Variants in BCL2L13 observed in about 807,000 individuals in gnomAD.
BCL2L13 encodes the protein bcl-2-like protein 13.
A neutral mutation model predicts 25.8 loss-of-function variants in BCL2L13; 13 were observed. The ratio of observed to expected loss-of-function variants is 0.50; its 90% CI spans 0.33 to 0.80. BCL2L13 has a LOEUF of 0.80. Among genes scored for constraint, BCL2L13 ranks in the 30% least tolerant of loss-of-function variants. The probability of loss-of-function intolerance (pLI) is 0.02; values close to 1 mark genes in which losing one functional copy is unlikely to be tolerated. For missense variants in BCL2L13, 504 were observed against 574.9 expected (o/e 0.88, Z 1.26); for synonymous variants, 244 against 230.3 (o/e 1.06, Z -0.54).
Position 17,727,887 on chromosome 22 carries a change from C to G in BCL2L13, c.*353C>G, listed in dbSNP as rs1449312975. 3 of 276,658 alleles carry G rather than the reference C, an allele frequency of 1.1e-5. No individual in the cohort carries two copies. The East Asian group carries it at 2.0e-4, about 19-fold the overall frequency. 17.1% of individuals were successfully genotyped at this position (276,658 alleles called of 1,614,324 possible). The stretch of plus-strand genomic sequence containing the variant: ...CCACCCACTAGATGCCAGTGGCACC[C>G]CCTCCCAGAGATGACAAACGAAAAT... On this transcript the variant is annotated 3_prime_UTR_variant, in exon 7 of 7. Transcript: ENST00000317582.
intron 2 of BCL2L13, among the ~76,000 whole-genome samples, chr22:17,659,315 G>T (rs1461141969): frequency 6.8e-6 from 1 of 146,190 alleles, no homozygotes; most frequent in South Asian, 2.1e-4. Context: ...AGTGAGCCGA[G>T]ATTGTGCCAT....
At chr22:17,672,304 TG>T (rs2059442181) in intron 2 of BCL2L13, among the ~76,000 whole-genome samples, 1 of 152,206 alleles carries the variant, frequency 6.6e-6, no homozygotes, top group African/African-American at 2.4e-5. Flanking sequence ...GTTTCCAGTT[TG>T]GGGAACCATA....
chr22:17,695,876 T>C (rs1455722564), intron 4 of BCL2L13: 2 of 349,924 alleles, frequency 5.7e-6, no homozygotes, highest in East Asian at 8.6e-5. Flanking sequence ...ATCCTGTAAG[T>C]TCCAAGCAGT....
chr22:17,657,915 C>T (rs1284722222), intron 2 of BCL2L13, among the ~76,000 whole-genome samples: 9 of 143,954 alleles, frequency 6.3e-5, no homozygotes, highest in African/African-American at 1.6e-4. Flanking sequence ...CTCCGACTGC[C>T]GGGTTCAAGC....
upstream of BCL2L13, among the ~76,000 whole-genome samples, chr22:17,636,339 A>G (rs547632449): frequency 3.3e-5 from 5 of 151,848 alleles, no homozygotes; most frequent in Middle Eastern, 3.4e-3. Flanking sequence ...AAGAAAAAAA[A>G]AAAAAAAAGC....
intron 2 of BCL2L13, among the ~76,000 whole-genome samples, chr22:17,677,636 G>A (rs749149618): frequency 4.6e-5 from 7 of 152,176 alleles, no homozygotes; most frequent in Non-Finnish European, 7.3e-5. Flanking sequence ...CACTTTGGGA[G>A]TCTGAGGCAG....
At chr22:17,654,130 G>A (rs2146492633) in intron 1 of BCL2L13, among the ~76,000 whole-genome samples, 1 of 152,260 alleles carries the variant, frequency 6.6e-6, no homozygotes, top group East Asian at 1.9e-4. Flanking sequence ...TATTGAGACA[G>A]GGTCTTGCTC....
intron 3 of BCL2L13, among the ~76,000 whole-genome samples, chr22:17,686,440 A>G (rs1275493495): frequency 6.6e-6 from 1 of 151,946 alleles, no homozygotes; most frequent in Non-Finnish European, 1.5e-5. Context: ...ACAGAGTGAG[A>G]CCATTTAAAA....
intron 2 of BCL2L13, among the ~76,000 whole-genome samples, chr22:17,673,668 C>T (rs978559488): frequency 3.9e-5 from 6 of 151,974 alleles, no homozygotes; most frequent in South Asian, 2.1e-4. Context: ...TGAGCCACTG[C>T]GCCCGGCCTT....
chr22:17,646,971 T>C (rs868159257), intron 1 of BCL2L13, among the ~76,000 whole-genome samples: 121 of 111,548 alleles, frequency 1.1e-3, no homozygotes, highest in African/African-American at 4.1e-3. Context: ...TTTTTTTTTT[T>C]TTTTTTTTCT....
chr22:17,715,315 G>A (rs2060916378), intron 6 of BCL2L13, among the ~76,000 whole-genome samples: 1 of 147,906 alleles, frequency 6.8e-6, no homozygotes, highest in Non-Finnish European at 1.5e-5. Flanking sequence ...CTGAGTAGCT[G>A]GGACTACAGG....
chr22:17,651,675 G>A (rs1042044920), intron 1 of BCL2L13, among the ~76,000 whole-genome samples: 1 of 147,472 alleles, frequency 6.8e-6, no homozygotes, highest in Admixed American at 6.8e-5. Context: ...GAGCCACTGC[G>A]TCCAGCCTAG....
chr22:17,642,172 C>G lies in BCL2L13; in HGVS notation c.-51+3286C>G, dbSNP rs2058316556. 2.2e-5 allele frequency among the ~76,000 whole-genome samples: 3 copies of G among 139,036 alleles called. No individual in the cohort carries two copies. In the Admixed American group the frequency reaches 2.3e-4, roughly 11 times the overall value. The allele number at this position is 139,036 out of a possible 152,430, so 91.2% of individuals were successfully genotyped here. On this transcript the variant is annotated intron_variant, in intron 1 of 6. Transcript: ENST00000317582. ...TTTTGAGACGGAGTCTCACTGTCGC[C>G]AGGCTGGAGTGCAGTGGCATGATCC...
In BCL2L13 at chr22:17,729,543, C is replaced by G. The variant is rs995962507; in HGVS notation, c.*2009C>G. On this transcript the variant is annotated 3_prime_UTR_variant, in exon 7 of 7. Coordinates refer to ENST00000317582, the MANE Select transcript of BCL2L13 (RefSeq NM_015367.4). Reference sequence around the variant, plus strand: ...GTTCCAGTATTAACACTTGCCAGTTCTGGATCCTCACACCCATTGGCTGAG... The same window carrying G: ...GTTCCAGTATTAACACTTGCCAGTTGTGGATCCTCACACCCATTGGCTGAG... 4 of 152,308 alleles carry G rather than the reference C, an allele frequency of 2.6e-5. No individual in the cohort carries two copies. The highest frequency in any genetic ancestry group is 1.3e-4 in the Admixed American group (2 of 15,296). 9.4% of individuals were successfully genotyped at this position (152,308 alleles called of 1,614,324 possible).
intron 6 of BCL2L13, among the ~76,000 whole-genome samples, chr22:17,711,367 G>A (rs775022871): frequency 7.0e-6 from 1 of 143,048 alleles, no homozygotes; most frequent in Admixed American, 7.1e-5. Flanking sequence ...GCACAATCTC[G>A]GCTCACTGCA....
Position 17,696,186 on chromosome 22 carries a change from A to G in BCL2L13, c.432A>G (p.Thr144=). 1 of 1,613,948 alleles carries G rather than the reference A, an allele frequency of 6.2e-7. No homozygotes were observed. The highest frequency in any genetic ancestry group is 8.5e-7 in the Non-Finnish European group (1 of 1,179,830). The change falls in exon 5 of 7, where the codon ACA becomes ACG. Residue 144 remains threonine, a synonymous_variant. Coordinates refer to ENST00000317582, the MANE Select transcript of BCL2L13 (RefSeq NM_015367.4). ...TTCGGGAATGTACACTGGAGACCAC[A>G]GTTCATGCCAGCGGCTGGAATAAGG... ...QAFRECTLET[T]VHASGWNKIL...
intron 1 of BCL2L13, among the ~76,000 whole-genome samples, chr22:17,644,546 G>T (rs2058405383): frequency 6.6e-6 from 1 of 151,054 alleles, no homozygotes; most frequent in African/African-American, 2.5e-5. Flanking sequence ...TGGCCAGGAT[G>T]GTCTCAATCT....
intron 1 of BCL2L13, among the ~76,000 whole-genome samples, chr22:17,653,848 T>G (rs1281464911): frequency 1.4e-5 from 2 of 138,610 alleles, no homozygotes; most frequent in Non-Finnish European, 3.1e-5. Context: ...AAATTCTTTT[T>G]CTATTTTTAA....
rs535444310 is a variant in BCL2L13, at chr22:17,642,682, C to T, written c.-51+3796C>T. 7.2e-5 allele frequency among the ~76,000 whole-genome samples: 11 copies of T among 152,110 alleles called. No individual in the cohort carries two copies. In the East Asian group the frequency reaches 1.9e-3, roughly 27 times the overall value. ...CATCTCAGCTCACCTCAACCTCTGC[C>T]TCCTGGGTTTAAGCGATTCTCCTGC... On this transcript the variant is annotated intron_variant, in intron 1 of 6. Coordinates refer to ENST00000317582, the MANE Select transcript of BCL2L13 (RefSeq NM_015367.4).
Sources: gnomAD v4.1 joint callset for allele counts (sites outside exome capture counted in the v4.1 genomes callset) on GRCh38, gnomAD v4.1.1 for gene constraint, MANE v1.5 for transcripts, NCBI Gene and HGNC (gene_info 2026-07-23, HGNC 2026-07-21) for gene names.